The following FSIP1 variants were observed in gnomAD, a reference collection of about 807,000 sequenced individuals.
FSIP1 encodes fibrous sheath-interacting protein 1.
Under a neutral mutation model 60.9 loss-of-function variants are expected in FSIP1, and 65 were observed. That is an observed-to-expected ratio of 1.07 (90% CI 0.87 to 1.31). The LOEUF (loss-of-function observed/expected upper bound fraction) is 1.31, where lower values mean the gene tolerates loss of function less well. FSIP1 is among the 40% of genes most tolerant of loss of function. The pLI, the probability that FSIP1 is intolerant of heterozygous loss-of-function variation, is 0.00. For missense variants in FSIP1, 675 were observed against 665.5 expected, an observed-to-expected ratio of 1.01 and a Z score of -0.16; for synonymous variants, 209 against 221.2, an observed-to-expected ratio of 0.94 and a Z score of 0.49.
At chr15:39,737,051 C>A (rs1768303980) in intron 8 of FSIP1, among the ~76,000 whole-genome samples, 1 of 152,060 alleles carries the variant, frequency 6.6e-6, no homozygotes, top group Non-Finnish European at 1.5e-5. Context: ...GGCAGGGGGC[C>A]AGCAGCATTC....
intron 10 of FSIP1, among the ~76,000 whole-genome samples, chr15:39,667,064 G>T (rs575175795): frequency 2.6e-5 from 4 of 152,262 alleles, no homozygotes; most frequent in South Asian, 2.1e-4. Flanking sequence ...TGGCCTAGTG[G>T]TTCAAGGAAA....
At chr15:39,625,846 C>A (rs1891618136) in intron 10 of FSIP1, among the ~76,000 whole-genome samples, 1 of 152,180 alleles carries the variant, frequency 6.6e-6, no homozygotes, top group Non-Finnish European at 1.5e-5. Flanking sequence ...CCTACTCCAC[C>A]CCCTACTCCG....
At chr15:39,782,042 A>G (rs1439644917) in intron 1 of FSIP1, among the ~76,000 whole-genome samples, 1 of 152,256 alleles carries the variant, frequency 6.6e-6, no homozygotes, top group Non-Finnish European at 1.5e-5. Context: ...AAAATATATT[A>G]GAATTGCTGA....
chr15:39,769,201 C>G (rs1380047713), intron 3 of FSIP1, among the ~76,000 whole-genome samples: 3 of 151,674 alleles, frequency 2.0e-5, no homozygotes, highest in African/African-American at 7.3e-5. Context: ...ATGGCGTGAA[C>G]CCGGGAGGCA....
chr15:39,733,960 C>T (rs918711724), intron 8 of FSIP1, among the ~76,000 whole-genome samples: 3 of 151,958 alleles, frequency 2.0e-5, no homozygotes, highest in African/African-American at 4.8e-5. Context: ...ACTGATACCT[C>T]CCAAAAGGAG....
chr15:39,627,762 ACT>A (rs1158493025), intron 10 of FSIP1, among the ~76,000 whole-genome samples: 1 of 152,024 alleles, frequency 6.6e-6, no homozygotes, highest in Non-Finnish European at 1.5e-5. Flanking sequence ...TCTTATATTT[ACT>A]CTCTTTCTTT....
intron 10 of FSIP1, among the ~76,000 whole-genome samples, chr15:39,709,081 A>C (rs935314697): frequency 6.6e-6 from 1 of 152,204 alleles, no homozygotes; most frequent in African/African-American, 2.4e-5. Context: ...ACCCTGAAAC[A>C]CAGAATTAAG....
At chr15:39,713,362 T>G (rs1895601077) in intron 10 of FSIP1, 82 bp downstream of exon 10, 4 of 1,338,160 alleles carry the variant, frequency 3.0e-6, no homozygotes. Context: ...AGCCCAGAAG[T>G]TCGAGACCAG....
At chr15:39,671,437 G>C (rs559351945) in intron 10 of FSIP1, among the ~76,000 whole-genome samples, 203 of 152,188 alleles carry the variant, frequency 1.3e-3, no homozygotes, top group South Asian at 9.1e-3. Flanking sequence ...GAGGGAATCA[G>C]AGACTAATTA....
intron 10 of FSIP1, among the ~76,000 whole-genome samples, chr15:39,662,787 C>G (rs1013998065): frequency 1.3e-5 from 2 of 150,906 alleles, no homozygotes; most frequent in African/African-American, 4.9e-5. Context: ...AATTTGGTAA[C>G]AGAATGCAAG....
chr15:39,602,112 C>T (rs1456287987), intron 11 of FSIP1, among the ~76,000 whole-genome samples: 2 of 152,002 alleles, frequency 1.3e-5, no homozygotes, highest in African/African-American at 4.8e-5. Flanking sequence ...TTTCTAGATG[C>T]AATTAAATTA....
intron 5 of FSIP1, among the ~76,000 whole-genome samples, chr15:39,751,446 C>T (rs1240860535): frequency 1.3e-5 from 2 of 151,414 alleles, no homozygotes; most frequent in East Asian, 3.9e-4. Context: ...CACACACACA[C>T]ACACACACAG....
At chr15:39,621,270 G>T (rs1891433432) in intron 10 of FSIP1, among the ~76,000 whole-genome samples, 1 of 152,150 alleles carries the variant, frequency 6.6e-6, no homozygotes, top group Admixed American at 6.5e-5. Flanking sequence ...CCACCCCAAA[G>T]CTCCTATAAG....
chr15:39,762,195 A>C (rs1848668722), intron 5 of FSIP1, among the ~76,000 whole-genome samples: 1 of 152,232 alleles, frequency 6.6e-6, no homozygotes, highest in African/African-American at 2.4e-5. Flanking sequence ...GGCTGAAAAC[A>C]ACGGAAATTT....
chr15:39,678,399 A>G (rs1383649700), intron 10 of FSIP1, among the ~76,000 whole-genome samples: 2 of 152,204 alleles, frequency 1.3e-5, no homozygotes, highest in African/African-American at 2.4e-5. Flanking sequence ...AAATACACAA[A>G]TATGGTTTAA....
At chr15:39,695,708 T>C (rs916618451) in intron 10 of FSIP1, among the ~76,000 whole-genome samples, 1 of 152,138 alleles carries the variant, frequency 6.6e-6, no homozygotes, top group African/African-American at 2.4e-5. Context: ...GCTAAGAAAA[T>C]TTTCTGAAGG....
intron 5 of FSIP1, among the ~76,000 whole-genome samples, chr15:39,754,475 G>A (rs1430525762): frequency 6.6e-6 from 1 of 151,970 alleles, no homozygotes; most frequent in Non-Finnish European, 1.5e-5. Context: ...CACCATGGAG[G>A]CGAGACTGAA....
chr15:39,690,817 T>C (rs1168367189), intron 10 of FSIP1, among the ~76,000 whole-genome samples: 1 of 152,230 alleles, frequency 6.6e-6, no homozygotes, highest in Non-Finnish European at 1.5e-5. Context: ...GGATCGATAC[T>C]GTGCCAGAAA....
intron 10 of FSIP1, among the ~76,000 whole-genome samples, chr15:39,621,549 A>G (rs954722227): frequency 6.6e-6 from 1 of 152,240 alleles, no homozygotes; most frequent in Non-Finnish European, 1.5e-5. Flanking sequence ...ACTTTAGAAG[A>G]TAATCTCTAC....
Sources: allele counts gnomAD v4.1 joint callset (sites outside exome capture counted in the v4.1 genomes callset), GRCh38; gene constraint gnomAD v4.1.1; transcripts MANE v1.5; gene names NCBI Gene and HGNC (gene_info 2026-07-23, HGNC 2026-07-21).